The following GC variants were observed in gnomAD, a reference collection of about 807,000 sequenced individuals.
GC encodes the protein vitamin D-binding protein.
In GC, 43 loss-of-function variants were observed where a neutral mutation model predicts 56.7. That is an observed-to-expected ratio of 0.76 (90% CI 0.59 to 0.98). The LOEUF is 0.98. Ranked by LOEUF, GC falls within the 50% of genes least tolerant of loss-of-function variation. The pLI is 0.00. For missense variants in GC, 529 were observed against 545.9 expected, an observed-to-expected ratio of 0.97 and a Z score of 0.31; for synonymous variants, 216 against 202.7, an observed-to-expected ratio of 1.07 and a Z score of -0.56.
chr4:71,781,853 G>A (rs769992745), intron 1 of GC, among the ~76,000 whole-genome samples: 1 of 151,732 alleles, frequency 6.6e-6, no homozygotes, highest in Non-Finnish European at 1.5e-5. Flanking sequence ...TGATAGGAGA[G>A]GGCTGGCTTA....
chr4:71,784,312 G>C (rs1309491713), upstream of GC: 1 of 1,089,604 alleles, frequency 9.2e-7, no homozygotes, highest in East Asian at 5.9e-5. Context: ...AAAGAGCCAA[G>C]GTATATAGAT....
chr4:71,746,793 A>AAAC (rs1741387626), intron 11 of GC, among the ~76,000 whole-genome samples: 1 of 151,376 alleles, frequency 6.6e-6, no homozygotes, highest in Admixed American at 6.6e-5. Flanking sequence ...AAAAAAAAAA[A>AAAC]AACTACTTTA....
At chr4:71,788,900 G>A (rs985755941), upstream of GC, among the ~76,000 whole-genome samples, 122 of 151,948 alleles carry the variant, frequency 8.0e-4, no homozygotes, top group African/African-American at 2.7e-3. Context: ...TGAGCTAAAT[G>A]TTCTTAAGTA....
chr4:71,776,940 A>G (rs1742525962), intron 1 of GC, among the ~76,000 whole-genome samples: 1 of 151,922 alleles, frequency 6.6e-6, no homozygotes, highest in African/African-American at 2.4e-5. Flanking sequence ...GTGTATCATT[A>G]TTTATGTCTC....
Position 71,763,794 on chromosome 4 carries a change from T to C in GC, c.606+10A>G, listed in dbSNP as rs754110440. The C allele has an allele frequency of 1.3e-6, 2 of 1,598,478 alleles. No individual in the cohort carries two copies. Among genetic ancestry groups the C allele is most frequent in the South Asian group, 1.1e-5 (1 of 88,560 alleles). ...AAACGTAAACATATAATAAGTAAAA[T>C]GGGACATACCTCTTTCAAAAAGCAT... On this transcript the variant is annotated intron_variant, in intron 5 of 12. Coordinates refer to ENST00000273951, the MANE Select transcript of GC (RefSeq NM_000583.4).
chr4:71,803,469 A>C (rs1404592746), intron 1 of GC, among the ~76,000 whole-genome samples: 3 of 152,182 alleles, frequency 2.0e-5, no homozygotes, highest in African/African-American at 7.2e-5. Flanking sequence ...TAACTTTACA[A>C]ACTTCTTTTT....
intron 1 of GC, among the ~76,000 whole-genome samples, chr4:71,783,236 A>G (rs1480983747): frequency 6.6e-6 from 1 of 151,802 alleles, no homozygotes; most frequent in African/African-American, 2.4e-5. Flanking sequence ...TTAAAGAATC[A>G]GCCAGAAAAG....
At chr4:71,781,362 G>A (rs1485610145) in intron 1 of GC, among the ~76,000 whole-genome samples, 1 of 151,448 alleles carries the variant, frequency 6.6e-6, no homozygotes, top group Non-Finnish European at 1.5e-5. Context: ...TTGTGCACAT[G>A]TACCCTAGAA....
chr4:71,779,680 T>G (rs1420835632), intron 1 of GC, among the ~76,000 whole-genome samples: 1 of 151,850 alleles, frequency 6.6e-6, no homozygotes, highest in Non-Finnish European at 1.5e-5. Context: ...CTAAATAGAT[T>G]AAGCTGGTGG....
chr4:71,759,182 A>T (rs543328692), intron 6 of GC, among the ~76,000 whole-genome samples: 2 of 152,046 alleles, frequency 1.3e-5, no homozygotes, highest in Admixed American at 1.3e-4. Flanking sequence ...TCATCCATTC[A>T]TCTGTTGATG....
intron 1 of GC, among the ~76,000 whole-genome samples, chr4:71,774,981 C>A (rs1742462350): frequency 6.7e-6 from 1 of 149,312 alleles, no homozygotes; most frequent in Admixed American, 6.7e-5. Context: ...TTATCTTTGA[C>A]TATCAGTCCT....
In GC at chr4:71,760,462, A is replaced by G. The variant is rs112553982; in HGVS notation, c.702-2291T>C. 1.8e-3 allele frequency among the ~76,000 whole-genome samples: 271 copies of G among 152,326 alleles called. 2 individuals are homozygous for G. The highest frequency in any genetic ancestry group is 2.1e-3 in the Non-Finnish European group (144 of 68,036). On this transcript the variant is annotated intron_variant, in intron 6 of 12. Coordinates refer to ENST00000273951, the MANE Select transcript of GC (RefSeq NM_000583.4). ...TTGTGAGGATAGTAGAAGGAATCAAAGAGACTGTAAGTATGGAGGGAAAAA... is the reference window on the plus strand; with the variant it reads ...TTGTGAGGATAGTAGAAGGAATCAAGGAGACTGTAAGTATGGAGGGAAAAA...
chr4:71,762,731 C>A (rs545547020), intron 6 of GC, among the ~76,000 whole-genome samples: 2 of 152,222 alleles, frequency 1.3e-5, no homozygotes, highest in African/African-American at 4.8e-5. Context: ...GTTTTAAAAA[C>A]AGGAGTTTCT....
At chr4:71,785,667 G>C (rs1223085979), upstream of GC, among the ~76,000 whole-genome samples, 19 of 151,742 alleles carry the variant, frequency 1.3e-4, 1 homozygote, top group Admixed American at 1.1e-3. Context: ...ACTCTATCTT[G>C]TTCAAGGATC....
In GC at chr4:71,756,793, G is replaced by T. The variant is rs1741788237; in HGVS notation, c.953C>A (p.Ala318Asp). The change falls in exon 8 of 13, where the codon GCC becomes GAC. Residue 318 changes from alanine (A) to aspartate (D), a missense_variant. Physicochemically the swap from Ala to Asp is moderately radical, Grantham distance 126 (BLOSUM62 -2). Transcript: ENST00000273951. ...TACATCTGGAAGCTCGGGGAGTTGG[G>T]CAGCTGGCATGAAGTAAGTGCACAC... ...VFVCTYFMPA[A>D]QLPELPDVEL... 2 of 1,613,744 alleles carry T rather than the reference G, an allele frequency of 1.2e-6. No individual in the cohort carries two copies. The highest frequency in any genetic ancestry group is 1.7e-6 in the Non-Finnish European group (2 of 1,179,696).
intron 9 of GC, among the ~76,000 whole-genome samples, 181 bp downstream of exon 9, chr4:71,754,797 T>C (rs1403287632): frequency 6.6e-6 from 1 of 152,222 alleles, no homozygotes; most frequent in Non-Finnish European, 1.5e-5. Flanking sequence ...ATAATTTTCA[T>C]GGGTCATGAG....
rs577925286 is a variant in GC, at chr4:71,762,943, T to C, written c.701+465A>G. ...GACTAATACAAAGGTAGATAACTAA[T>C]GAGAATAAATTAATGAAGGGCAAGA... On this transcript the variant is annotated intron_variant, in intron 6 of 12. Transcript: ENST00000273951. Among the ~76,000 whole-genome samples, 854 of 152,248 alleles carry C rather than the reference T, an allele frequency of 5.6e-3. 4 individuals are homozygous for C. The highest frequency in any genetic ancestry group is 9.4e-3 in the Non-Finnish European group (642 of 68,010).
intron 6 of GC, among the ~76,000 whole-genome samples, chr4:71,762,769 C>A (rs1240425524): frequency 1.3e-5 from 2 of 152,168 alleles, no homozygotes; most frequent in Non-Finnish European, 2.9e-5. Context: ...TTGCCTGCTG[C>A]CATCCACGTA....
At chr4:71,768,885 T>TA (rs1560701926) in intron 2 of GC, among the ~76,000 whole-genome samples, 1 of 152,232 alleles carries the variant, frequency 6.6e-6, no homozygotes, top group Admixed American at 6.5e-5. Context: ...AGGTTTAATT[T>TA]AAAAAGCAGT....
Sources: gnomAD v4.1 joint callset for allele counts (sites outside exome capture counted in the v4.1 genomes callset) on GRCh38, gnomAD v4.1.1 for gene constraint, MANE v1.5 for transcripts, NCBI Gene and HGNC (gene_info 2026-07-23, HGNC 2026-07-21) for gene names.